CRTC3: variants seen among roughly 807,000 people sequenced by gnomAD.
The protein encoded by CRTC3 is CREB-regulated transcription coactivator 3.
In CRTC3, 26 loss-of-function variants were observed where a neutral mutation model predicts 74.5. The observed-to-expected ratio is 0.35, with a 90% CI of 0.26 to 0.48. The LOEUF (loss-of-function observed/expected upper bound fraction) is 0.48. Among genes scored for constraint, CRTC3 ranks in the 20% least tolerant of loss-of-function variants. The pLI is 0.99. For synonymous variants in CRTC3, 377 were observed against 325.8 expected (o/e 1.16, Z -1.69); for missense variants, 760 against 787.3 (o/e 0.97, Z 0.41).
At position 90,642,669 on chromosome 15, in the gene CRTC3, C is replaced by G. The variant is rs1455426292; in HGVS notation, c.*529C>G. On this transcript the variant is annotated 3_prime_UTR_variant, in exon 15 of 15. Transcript: ENST00000268184. ...GGCTGAGTGGACCCCACGGCTCTCT[C>G]CCACGCCTGGATTACGACATGAAGT... 8.5e-6 allele frequency: 2 copies of G among 234,114 alleles called. No homozygotes were observed. The highest frequency in any genetic ancestry group is 1.7e-5 in the Non-Finnish European group (2 of 118,426). The allele number at this position is 234,114 out of a possible 1,614,324, so 14.5% of individuals were successfully genotyped here. A position where few individuals can be genotyped will look rare whatever the true frequency, so the allele number is the denominator to read the frequency against.
At chr15:90,620,803 C>G (rs996783323) in intron 9 of CRTC3, among the ~76,000 whole-genome samples, 1 of 152,180 alleles carries the variant, frequency 6.6e-6, no homozygotes, top group African/African-American at 2.4e-5. Context: ...TTAGTACATA[C>G]AATCACCAGT....
At chr15:90,622,916 C>T (rs905048569) in intron 9 of CRTC3, among the ~76,000 whole-genome samples, 1 of 152,120 alleles carries the variant, frequency 6.6e-6, no homozygotes, top group Non-Finnish European at 1.5e-5. Context: ...CAAAATGAGC[C>T]TTCTTCCTCA....
At chr15:90,627,865 C>T (rs1281285273) in intron 10 of CRTC3, among the ~76,000 whole-genome samples, 5 of 142,126 alleles carry the variant, frequency 3.5e-5, no homozygotes, top group Admixed American at 7.1e-5. Context: ...CCACCCGCCT[C>T]GGCCTCCCAA....
chr15:90,634,867 C>T, intron 11 of CRTC3: 1 of 1,551,734 alleles, frequency 6.4e-7, no homozygotes, highest in African/African-American at 1.4e-5. Context: ...ACAGTAGTCA[C>T]TGTTGGATCG....
At chr15:90,610,304 C>T (rs978136184) in intron 6 of CRTC3, among the ~76,000 whole-genome samples, 17 of 152,142 alleles carry the variant, frequency 1.1e-4, no homozygotes, top group African/African-American at 3.9e-4. Context: ...GTTCTATGTT[C>T]GAAGCAATAA....
intron 11 of CRTC3, among the ~76,000 whole-genome samples, chr15:90,631,355 C>CA (rs1224768572): frequency 6.6e-6 from 1 of 152,168 alleles, no homozygotes; most frequent in Admixed American, 6.5e-5. Flanking sequence ...CCTCCTGCCT[C>CA]AGCTGGGATT....
intron 2 of CRTC3, among the ~76,000 whole-genome samples, chr15:90,572,724 C>A (rs1468396377): frequency 6.6e-6 from 1 of 152,090 alleles, no homozygotes. Flanking sequence ...TACAGCTGTG[C>A]GTCACCATAC....
At chr15:90,595,434 C>T (rs6496699) in intron 3 of CRTC3, 142,779 of 152,224 alleles carry the variant, frequency 0.94, 67,182 homozygotes, top group Middle Eastern at 0.99. Context: ...TAGCCAGGCT[C>T]GGTGGTGGGC....
Position 90,580,426 on chromosome 15 carries a change from C to T in CRTC3, c.232-13210C>T, listed in dbSNP as rs1219995608. Among the ~76,000 whole-genome samples the T allele has an allele frequency of 1.4e-5, 2 of 143,022 alleles. 1 individual carries two copies. The highest frequency in any genetic ancestry group is 5.1e-5 in the African/African-American group (2 of 39,322). The allele number at this position is 143,022 out of a possible 152,430, so 93.8% of individuals were successfully genotyped here. On this transcript the variant is annotated intron_variant, in intron 2 of 14. Transcript: ENST00000268184. ...AGTCCCGCTGGTTTTTCTTCTTCTT[C>T]TTTTTTTTTTTTTTCCTGAGACGAG...
Position 90,625,638 on chromosome 15 carries a change from G to GAATC in CRTC3, c.750-136_750-133dup. 17 of 744,828 alleles carry GAATC rather than the reference G, an allele frequency of 2.3e-5. 1 individual carries two copies. Among genetic ancestry groups the GAATC allele is most frequent in the Middle Eastern group, 3.9e-4 (1 of 2,586 alleles). 46.1% of individuals were successfully genotyped at this position (744,828 alleles called of 1,614,324 possible). On this transcript the variant is annotated intron_variant, in intron 9 of 14. Coordinates refer to ENST00000268184, the MANE Select transcript of CRTC3 (RefSeq NM_022769.5). ...GTTAAGCCGAGCACCAGTGTTCTCA[G>GAATC]AATCAGAGAGGCCGCACCAGGACCT... is the stretch of plus-strand genomic sequence containing the variant.
intron 1 of CRTC3, among the ~76,000 whole-genome samples, chr15:90,537,270 C>A (rs752867566): frequency 1.3e-5 from 2 of 152,184 alleles, no homozygotes; most frequent in Non-Finnish European, 2.9e-5. Flanking sequence ...ATTTGACATA[C>A]CACTCTTGTG....
intron 2 of CRTC3, among the ~76,000 whole-genome samples, chr15:90,588,381 A>G (rs1483645927): frequency 6.6e-6 from 1 of 150,882 alleles, no homozygotes; most frequent in African/African-American, 2.5e-5. Flanking sequence ...CTCAACAAAC[A>G]TTTATTTTTC....
At chr15:90,598,785 A>G (rs12440050) in intron 3 of CRTC3, 1 of 465,924 alleles carries the variant, frequency 2.1e-6, no homozygotes, top group African/African-American at 2.0e-5. Flanking sequence ...TTTATGAGTT[A>G]CTGGACTGTG....
rs1969573008 is a variant in CRTC3, at chr15:90,644,947, G to A, written c.*2807G>A. ...CATTTTTTCTTTCTGTATGGTTGTG[G>A]GTTTTAGGACATAGGGGGTTAGGAG... is the stretch of plus-strand genomic sequence containing the variant. On this transcript the variant is annotated 3_prime_UTR_variant, in exon 15 of 15. Coordinates refer to ENST00000268184, the MANE Select transcript of CRTC3 (RefSeq NM_022769.5). 1 of 232,324 alleles carries A rather than the reference G, an allele frequency of 4.3e-6. No homozygotes were observed. Among genetic ancestry groups the A allele is most frequent in the Non-Finnish European group, 8.5e-6 (1 of 117,578 alleles). The allele number at this position is 232,324 out of a possible 1,614,324, so 14.4% of individuals were successfully genotyped here. A position where few individuals can be genotyped will look rare whatever the true frequency, so the allele number is the denominator to read the frequency against.
At chr15:90,604,524 T>C in intron 5 of CRTC3, 77 bp downstream of exon 5, 1 of 1,118,902 alleles carries the variant, frequency 8.9e-7, no homozygotes, top group Non-Finnish European at 1.4e-6. Context: ...TAGCATCCAG[T>C]TGCCAGAGTG....
chr15:90,634,861 T>C (rs1444994565), intron 11 of CRTC3: 4 of 1,546,716 alleles, frequency 2.6e-6, no homozygotes, highest in East Asian at 2.2e-5. Flanking sequence ...CAAGCAACAG[T>C]AGTCACTGTT....
chr15:90,627,656 G>C (rs1486515923), intron 10 of CRTC3, among the ~76,000 whole-genome samples: 3 of 149,712 alleles, frequency 2.0e-5, no homozygotes, highest in African/African-American at 7.4e-5. Flanking sequence ...GACTCTTGCT[G>C]TGTCGCCCAG....
Position 90,530,334 on chromosome 15 carries a change from GA to G in CRTC3, c.132+132del. On this transcript the variant is annotated intron_variant, in intron 1 of 14. Transcript: ENST00000268184. The surrounding 1 kb of genome is among the most constrained non-coding windows in gnomAD (Gnocchi z 6.2). ...GCCGCGCCCGGGAACCGGCGGCTGG[GA>G]GGGGGACCGGAGCGGCCGCGGCCTC... 1 of 426,966 alleles carries G rather than the reference GA, an allele frequency of 2.3e-6. No homozygotes were observed. The highest frequency in any genetic ancestry group is 3.1e-6 in the Non-Finnish European group (1 of 319,344). 26.4% of individuals were successfully genotyped at this position (426,966 alleles called of 1,614,324 possible). A position where few individuals can be genotyped will look rare whatever the true frequency, so the allele number is the denominator to read the frequency against.
chr15:90,638,402 G>C, intron 11 of CRTC3, 44 bp from the exon 12 acceptor site: 2 of 1,556,626 alleles, frequency 1.3e-6, no homozygotes, highest in East Asian at 4.5e-5. Context: ...CTTAACGCCA[G>C]AAACGCAGAA....
Sources: gnomAD v4.1 joint callset for allele counts (sites outside exome capture counted in the v4.1 genomes callset) on GRCh38, gnomAD v4.1.1 for gene constraint, Gnocchi (gnomAD v3.1) non-coding constraint, MANE v1.5 for transcripts, NCBI Gene and HGNC (gene_info 2026-07-23, HGNC 2026-07-21) for gene names.